The following ANKS1B variants were observed in gnomAD, a reference collection of about 807,000 sequenced individuals.
The protein encoded by ANKS1B is ankyrin repeat and sterile alpha motif domain containing 1B, also known as ankyrin repeat and sterile alpha motif domain-containing protein 1B.
A neutral mutation model predicts 148.3 loss-of-function variants in ANKS1B; 36 were observed. The ratio of observed to expected loss-of-function variants is 0.24; its 90% CI spans 0.19 to 0.32. The LOEUF (loss-of-function observed/expected upper bound fraction) is 0.32, where lower values mean the gene tolerates loss of function less well. Among genes scored for constraint, ANKS1B ranks in the 10% least tolerant of loss-of-function variants. ANKS1B has a pLI of 1.00. For synonymous variants in ANKS1B, 542 were observed against 560.8 expected (o/e 0.97, Z 0.47); for missense variants, 1,157 against 1,542.6 (o/e 0.75, Z 4.19).
At chr12:98,772,184 T>C (rs867372375) in intron 25 of ANKS1B, among the ~76,000 whole-genome samples, 3 of 152,198 alleles carry the variant, frequency 2.0e-5, no homozygotes, top group Non-Finnish European at 4.4e-5. Flanking sequence ...CCAAAATTCA[T>C]ATGTTGAAGG....
intron 17 of ANKS1B, among the ~76,000 whole-genome samples, chr12:98,850,457 GCATTT>G (rs2099516789): frequency 1.2e-5 from 1 of 80,688 alleles, no homozygotes; most frequent in Non-Finnish European, 2.7e-5. Context: ...GAGAAGCATT[GCATTT>G]TTTTTTTTTT....
At chr12:99,552,047 C>T (rs7307048) in intron 9 of ANKS1B, among the ~76,000 whole-genome samples, 1,776 of 152,230 alleles carry the variant, frequency 0.012, 37 homozygotes, top group African/African-American at 0.04. Context: ...ACCAAGAACA[C>T]TGTTCCTTTT....
At chr12:99,793,239 A>G (rs555751762) in intron 4 of ANKS1B, among the ~76,000 whole-genome samples, 2 of 152,260 alleles carry the variant, frequency 1.3e-5, no homozygotes, top group Admixed American at 1.3e-4. Context: ...GGAAGAATCA[A>G]TATTGTTAAA....
rs188901860 is a variant in ANKS1B, at chr12:98,852,535, T to G, written c.2779-20399A>C. Among the ~76,000 whole-genome samples, 163 of 152,198 alleles carry G rather than the reference T, an allele frequency of 1.1e-3. 1 individual carries two copies. Among genetic ancestry groups the G allele is most frequent in the African/African-American group, 3.9e-3 (160 of 41,516 alleles). On this transcript the variant is annotated intron_variant, in intron 17 of 26. Coordinates refer to ENST00000683438, the MANE Select transcript of ANKS1B (RefSeq NM_001352186.2). Reference sequence around the variant, plus strand: ...TGCTGGGTTTAGCCTCTTGGAGTGTTGAGAAAAAGTGGGCAAGGGAGGACA... The same window carrying G: ...TGCTGGGTTTAGCCTCTTGGAGTGTGGAGAAAAAGTGGGCAAGGGAGGACA...
At chr12:98,748,798 GC>G (rs2097977435) in intron 26 of ANKS1B, among the ~76,000 whole-genome samples, 2 of 152,080 alleles carry the variant, frequency 1.3e-5, no homozygotes, top group Non-Finnish European at 2.9e-5. Flanking sequence ...GAGCTCTTAT[GC>G]CACCCAACCC....
chr12:99,004,676 A>G (rs979365980), intron 17 of ANKS1B, among the ~76,000 whole-genome samples: 4 of 151,750 alleles, frequency 2.6e-5, no homozygotes, highest in South Asian at 2.1e-4. Context: ...GGTGGGGGGG[A>G]AAATGCCCTA....
At chr12:98,746,164 C>A (rs1201820911) in intron 26 of ANKS1B, among the ~76,000 whole-genome samples, 1 of 152,184 alleles carries the variant, frequency 6.6e-6, no homozygotes, top group Admixed American at 6.5e-5. Context: ...TGTGGGCACA[C>A]ACACCTTGGG....
chr12:98,768,501 G>A (rs1182515659), intron 25 of ANKS1B, among the ~76,000 whole-genome samples: 4 of 147,490 alleles, frequency 2.7e-5, no homozygotes, highest in East Asian at 2.1e-4. Flanking sequence ...TTGGGAGGCC[G>A]AGGCGGGCGG....
intron 10 of ANKS1B, among the ~76,000 whole-genome samples, chr12:99,463,064 T>C (rs983104318): frequency 6.6e-6 from 1 of 152,052 alleles, no homozygotes; most frequent in Admixed American, 6.5e-5. Context: ...CAATACAAAA[T>C]GGAATAACAC....
At chr12:99,681,774 A>G (rs1327682558) in intron 8 of ANKS1B, among the ~76,000 whole-genome samples, 4 of 152,206 alleles carry the variant, frequency 2.6e-5, no homozygotes, top group Non-Finnish European at 4.4e-5. Flanking sequence ...ATATGACAAA[A>G]CAAGGACCAT....
At chr12:98,861,919 A>G (rs771010643) in intron 17 of ANKS1B, among the ~76,000 whole-genome samples, 5 of 152,204 alleles carry the variant, frequency 3.3e-5, no homozygotes. Context: ...CCAAAGTAAC[A>G]CTGCCATTTT....
At chr12:99,604,302 T>G (rs2097831963) in intron 9 of ANKS1B, among the ~76,000 whole-genome samples, 1 of 152,034 alleles carries the variant, frequency 6.6e-6, no homozygotes, top group African/African-American at 2.4e-5. Context: ...ACTTACAGGT[T>G]TAGCATCCCT....
rs1355359444 is a variant in ANKS1B, at chr12:99,626,397, TC to T, written c.1272+28669del. Among the ~76,000 whole-genome samples, 6 of 152,196 alleles carry T rather than the reference TC, an allele frequency of 3.9e-5. 1 individual carries two copies. Among genetic ancestry groups the T allele is most frequent in the African/African-American group, 7.2e-5 (3 of 41,460 alleles). On this transcript the variant is annotated intron_variant, in intron 9 of 26. Transcript: ENST00000683438. ...ACAATGACAAATTGCTCAAGTTCCC[TC>T]CTTGTTCTTTGCATCATCACTACAT...
chr12:98,836,051 T>A (rs1361221918), intron 17 of ANKS1B, among the ~76,000 whole-genome samples: 3 of 152,196 alleles, frequency 2.0e-5, no homozygotes, highest in Admixed American at 6.5e-5. Context: ...TTGCCCAAGG[T>A]CACACTGCTA....
intron 8 of ANKS1B, among the ~76,000 whole-genome samples, chr12:99,700,338 C>T (rs1018101777): frequency 4.6e-5 from 7 of 152,048 alleles, no homozygotes; most frequent in Non-Finnish European, 1.0e-4. Flanking sequence ...TTCCAAGACC[C>T]CCAGTGAATG....
chr12:99,482,756 T>C (rs2096432351), intron 10 of ANKS1B, among the ~76,000 whole-genome samples: 1 of 151,932 alleles, frequency 6.6e-6, no homozygotes, highest in African/African-American at 2.4e-5. Flanking sequence ...TAGGTATTTT[T>C]ATTTTTTTGC....
At chr12:99,608,430 A>G (rs1368838888) in intron 9 of ANKS1B, among the ~76,000 whole-genome samples, 1 of 152,226 alleles carries the variant, frequency 6.6e-6, no homozygotes, top group East Asian at 1.9e-4. Context: ...ACAAGATATA[A>G]TACCTGTGAA....
rs541000107 is a variant in ANKS1B at position 98,901,052 on chromosome 12, C to A, written c.2779-68916G>T. 1.1e-4 allele frequency among the ~76,000 whole-genome samples: 17 copies of A among 152,266 alleles called. 1 individual carries two copies. The highest frequency in any genetic ancestry group is 1.1e-3 in the Admixed American group (17 of 15,290). On this transcript the variant is annotated intron_variant, in intron 17 of 26. Transcript: ENST00000683438. ...ATTTTTTTTAGTAATTAGTCAATTG[C>A]TTATAAATCTCCCTATAAGACTGCA... is the stretch of plus-strand genomic sequence containing the variant.
intron 8 of ANKS1B, among the ~76,000 whole-genome samples, chr12:99,666,857 G>GGTGT (rs3083633): frequency 0.071 from 9,433 of 132,490 alleles, 444 homozygotes; most frequent in East Asian, 0.26. Context: ...GTTACTATGG[G>GGTGT]GTGTGTGTGT....
Sources: gnomAD v4.1 joint callset for allele counts (sites outside exome capture counted in the v4.1 genomes callset) on GRCh38, gnomAD v4.1.1 for gene constraint, MANE v1.5 for transcripts, NCBI Gene and HGNC (gene_info 2026-07-23, HGNC 2026-07-21) for gene names.